The following ADO variants were observed in gnomAD, a reference collection of about 807,000 sequenced individuals.
ADO encodes 2-aminoethanethiol dioxygenase, also known as 2-aminoethanethiol (cysteamine) dioxygenase.
Under a neutral mutation model 16.6 loss-of-function variants are expected in ADO, and 9 were observed. The ratio of observed to expected loss-of-function variants is 0.54; its 90% CI spans 0.33 to 0.95. The LOEUF (loss-of-function observed/expected upper bound fraction) is 0.95. ADO is among the 40% of genes least tolerant of loss of function. The pLI is 0.03. For synonymous variants in ADO, 189 were observed against 179.6 expected (o/e 1.05, Z -0.42); for missense variants, 356 against 386.4 (o/e 0.92, Z 0.66).
Position 62,806,285 on chromosome 10 carries a change from T to C in ADO, c.*413T>C, listed in dbSNP as rs867137074. 1.9e-4 allele frequency: 33 copies of C among 174,520 alleles called. No homozygotes were observed. The highest frequency in any genetic ancestry group is 7.2e-4 in the East Asian group (4 of 5,570). 10.8% of individuals were successfully genotyped at this position (174,520 alleles called of 1,614,324 possible). ...CATGCCCTTATGCCTTTTTTTCTTA[T>C]AGTTTTTTAACTTATTGACTGTGCA... is the stretch of plus-strand genomic sequence containing the variant. On this transcript the variant is annotated 3_prime_UTR_variant, in exon 1 of 1. Transcript: ENST00000373783.
rs1227735709 is a variant in ADO, at chr10:62,805,276, G to T, written c.217G>T (p.Ala73Ser). The change falls in exon 1 of 1, where the codon GCC becomes TCC. Residue 73 changes from alanine (A) to serine (S), a missense_variant. Physicochemically the swap from Ala to Ser is moderately conservative, Grantham distance 99. Transcript: ENST00000373783. The surrounding 1 kb of genome is among the most constrained non-coding windows in gnomAD (Gnocchi z 6.4). ...AEDLNIAPRKATLQPLPPNLP... is the reference protein window; with the variant it reads ...AEDLNIAPRKSTLQPLPPNLP... Reference sequence around the variant, plus strand: ...GGACTTGAACATCGCCCCGCGCAAGGCCACACTGCAGCCGCTGCCGCCCAA... The same window carrying T: ...GGACTTGAACATCGCCCCGCGCAAGTCCACACTGCAGCCGCTGCCGCCCAA... 6.2e-7 allele frequency: 1 copy of T among 1,603,308 alleles called. No individual in the cohort carries two copies. The highest frequency in any genetic ancestry group is 8.5e-7 in the Non-Finnish European group (1 of 1,178,956).
chr10:62,805,933 GTC>G lies in ADO; in HGVS notation c.*65_*66del, dbSNP rs913614189. ...TGCCCTACCCTACCACAAGGGCTGT[GTC>G]TCTACCCCCTAGCCTGGGCGTTGGA... is the stretch of plus-strand genomic sequence containing the variant. On this transcript the variant is annotated 3_prime_UTR_variant, in exon 1 of 1. Transcript: ENST00000373783. This position sits in a 1 kb window ranked among gnomAD's most constrained non-coding sequence, Gnocchi z 6.4. 69 of 1,391,844 alleles carry G rather than the reference GTC, an allele frequency of 5.0e-5. No individual in the cohort carries two copies. The highest frequency in any genetic ancestry group is 2.0e-5 in the Non-Finnish European group (21 of 1,057,056). The allele number at this position is 1,391,844 out of a possible 1,614,324, so 86.2% of individuals were successfully genotyped here. A position where few individuals can be genotyped will look rare whatever the true frequency, so the allele number is the denominator to read the frequency against.
rs767613495 is a variant in ADO at position 62,805,303 on chromosome 10, C to G, written c.244C>G (p.Leu82Val). 6 of 1,604,048 alleles carry G rather than the reference C, an allele frequency of 3.7e-6. No individual in the cohort carries two copies. In the South Asian group the frequency reaches 6.6e-5, roughly 18 times the overall value. ...KATLQPLPPN[L>V]PPVTYMHIYE... Reference sequence around the variant, plus strand: ...CACACTGCAGCCGCTGCCGCCCAACCTGCCGCCAGTCACCTACATGCACAT... The same window carrying G: ...CACACTGCAGCCGCTGCCGCCCAACGTGCCGCCAGTCACCTACATGCACAT... Residue 82 changes from leucine to valine, a missense_variant, in exon 1 of 1, where the codon CTG (leucine) becomes GTG (valine). Leu to Val is a conservative substitution (Grantham distance 32, BLOSUM62 1). Coordinates refer to ENST00000373783, the MANE Select transcript of ADO (RefSeq NM_032804.6). This position sits in a 1 kb window ranked among gnomAD's most constrained non-coding sequence, Gnocchi z 6.4.
At position 62,805,398 on chromosome 10, in the gene ADO, C is replaced by G. The variant is rs1415346970; in HGVS notation, c.339C>G (p.Asp113Glu). The G allele has an allele frequency of 6.3e-7, 1 of 1,589,638 alleles. No homozygotes were observed. The highest frequency in any genetic ancestry group is 1.3e-5 in the African/African-American group (1 of 74,638). The change falls in exon 1 of 1, where the codon GAC (aspartate) becomes GAG (glutamate). Residue 113 changes from aspartate to glutamate, a missense_variant. By Grantham distance (45) the Asp-to-Glu change is conservative. Coordinates refer to ENST00000373783, the MANE Select transcript of ADO (RefSeq NM_032804.6). This position sits in a 1 kb window ranked among gnomAD's most constrained non-coding sequence, Gnocchi z 6.4. ...GCGGCACGTCCATCCCGCTGCACGA[C>G]CACCCGGGCATGCACGGCATGCTCA... ...LKSGTSIPLH[D>E]HPGMHGMLKV...
chr10:62,804,763 C>T lies in ADO; in HGVS notation c.-297C>T, dbSNP rs1020133192. The T allele has an allele frequency of 2.3e-5, 5 of 218,274 alleles. No individual in the cohort carries two copies. Among genetic ancestry groups the T allele is most frequent in the Non-Finnish European group, 3.6e-5 (4 of 112,160 alleles). The allele number at this position is 218,274 out of a possible 1,614,324, so 13.5% of individuals were successfully genotyped here. On this transcript the variant is annotated 5_prime_UTR_variant, in exon 1 of 1. Coordinates refer to ENST00000373783, the MANE Select transcript of ADO (RefSeq NM_032804.6). ...GTAGGTGCGGGCCGCATGAATGGAGCGCCGGGCGTAAGGCAAAGCCTGGCA... is the reference window on the plus strand; with the variant it reads ...GTAGGTGCGGGCCGCATGAATGGAGTGCCGGGCGTAAGGCAAAGCCTGGCA...
rs973062677 is a variant in ADO at position 62,806,928 on chromosome 10, G to A, written c.*1056G>A. On this transcript the variant is annotated 3_prime_UTR_variant, in exon 1 of 1. Coordinates refer to ENST00000373783, the MANE Select transcript of ADO (RefSeq NM_032804.6). ...GAACTTTAATGTTCCCGACTCGGGTGATTCCAGCTGTGTTGCTGGCAGTGT... is the reference window on the plus strand; with the variant it reads ...GAACTTTAATGTTCCCGACTCGGGTAATTCCAGCTGTGTTGCTGGCAGTGT... 4.8e-5 allele frequency: 8 copies of A among 167,214 alleles called. No individual in the cohort carries two copies. Among genetic ancestry groups the A allele is most frequent in the African/African-American group, 1.9e-4 (8 of 41,452 alleles). 10.4% of individuals were successfully genotyped at this position (167,214 alleles called of 1,614,324 possible). A position where few individuals can be genotyped will look rare whatever the true frequency, so the allele number is the denominator to read the frequency against.
chr10:62,805,570 C>A lies in ADO; in HGVS notation c.511C>A (p.Arg171Ser). The A allele has an allele frequency of 6.4e-7, 1 of 1,568,010 alleles. No individual in the cohort carries two copies. Among genetic ancestry groups the A allele is most frequent in the Non-Finnish European group, 8.6e-7 (1 of 1,157,778 alleles). Residue 171 changes from arginine (R) to serine (S), a missense_variant, in exon 1 of 1, where the codon CGT becomes AGT. Physicochemically the swap from Arg to Ser is moderately radical, Grantham distance 110. Coordinates refer to ENST00000373783, the MANE Select transcript of ADO (RefSeq NM_032804.6). The surrounding 1 kb of genome is among the most constrained non-coding windows in gnomAD (Gnocchi z 6.4). The stretch of plus-strand genomic sequence containing the variant: ...AGAAGCCGTGCGGCCGGGCGTGCTG[C>A]GTTCGCGGGCCGAGTACACCGAGGC... ...EREAVRPGVL[R>S]SRAEYTEASG...
rs200499649 is a variant in ADO, at chr10:62,805,595, C to A, written c.536C>A (p.Ala179Asp). The A allele has an allele frequency of 2.0e-4, 313 of 1,590,296 alleles. 4 individuals are homozygous for A. In the East Asian group the frequency reaches 3.1e-3, roughly 16 times the overall value. ...CGTTCGCGGGCCGAGTACACCGAGG[C>A]CAGCGGCCCCTGCATCCTCACACCG... ...VLRSRAEYTE[A>D]SGPCILTPHR... Residue 179 changes from alanine to aspartate, a missense_variant, in exon 1 of 1, where the codon GCC becomes GAC. By Grantham distance (126) the Ala-to-Asp change is moderately radical. Transcript: ENST00000373783. The surrounding 1 kb of genome is among the most constrained non-coding windows in gnomAD (Gnocchi z 6.4).
Position 62,805,137 on chromosome 10 carries a change from C to T in ADO, c.78C>T (p.Gly26=), listed in dbSNP as rs750322545. 8.9e-6 allele frequency: 14 copies of T among 1,566,764 alleles called. No individual in the cohort carries two copies. Among genetic ancestry groups the T allele is most frequent in the Middle Eastern group, 1.9e-4 (1 of 5,370 alleles). ...QACLTFRGSG[G]GRGASDRDAA... is the part of the protein sequence containing the mutation. Reference sequence around the variant, plus strand: ...GCCTCACCTTCCGGGGCAGCGGGGGCGGCCGCGGCGCTTCCGATCGCGACG... The same window carrying T: ...GCCTCACCTTCCGGGGCAGCGGGGGTGGCCGCGGCGCTTCCGATCGCGACG... Residue 26 remains glycine (G), a synonymous_variant, in exon 1 of 1, where the codon GGC becomes GGT. Coordinates refer to ENST00000373783, the MANE Select transcript of ADO (RefSeq NM_032804.6). This position sits in a 1 kb window ranked among gnomAD's most constrained non-coding sequence, Gnocchi z 6.4.
rs1589077417 is a variant in ADO, at chr10:62,806,202, A to G, written c.*330A>G. The G allele has an allele frequency of 8.0e-6, 2 of 250,462 alleles. No individual in the cohort carries two copies. Among genetic ancestry groups the G allele is most frequent in the East Asian group, 1.7e-4 (2 of 11,492 alleles). 15.5% of individuals were successfully genotyped at this position (250,462 alleles called of 1,614,324 possible). Reference sequence around the variant, plus strand: ...TCTTCCCCATTCTATACAAAATACTAAGTGGTTTTCTTGCTCCCACTCCCT... The same window carrying G: ...TCTTCCCCATTCTATACAAAATACTGAGTGGTTTTCTTGCTCCCACTCCCT... On this transcript the variant is annotated 3_prime_UTR_variant, in exon 1 of 1. Coordinates refer to ENST00000373783, the MANE Select transcript of ADO (RefSeq NM_032804.6).
rs1379294570 is a variant in ADO, at chr10:62,805,082, C to T, written c.23C>T (p.Ser8Phe). 2 of 1,522,412 alleles carry T rather than the reference C, an allele frequency of 1.3e-6. No homozygotes were observed. Among genetic ancestry groups the T allele is most frequent in the Non-Finnish European group, 1.8e-6 (2 of 1,140,442 alleles). 94.3% of individuals were successfully genotyped at this position (1,522,412 alleles called of 1,614,324 possible). A position where few individuals can be genotyped will look rare whatever the true frequency, so the allele number is the denominator to read the frequency against. Residue 8 changes from serine to phenylalanine, a missense_variant, in exon 1 of 1, where the codon TCC becomes TTC. Physicochemically the swap from Ser to Phe is radical, Grantham distance 155 (BLOSUM62 -2). Transcript: ENST00000373783. The surrounding 1 kb of genome is among the most constrained non-coding windows in gnomAD (Gnocchi z 6.4). ...ACCATGCCCCGAGACAACATGGCCTCCTTGATCCAACGGATCGCCCGCCAG... is the reference window on the plus strand; with the variant it reads ...ACCATGCCCCGAGACAACATGGCCTTCTTGATCCAACGGATCGCCCGCCAG... Reference protein sequence around the residue: MPRDNMASLIQRIARQAC... With the variant: MPRDNMAFLIQRIARQAC...
chr10:62,804,915 C>A lies in ADO; in HGVS notation c.-145C>A, dbSNP rs1842031865. On this transcript the variant is annotated 5_prime_UTR_variant, in exon 1 of 1. Coordinates refer to ENST00000373783, the MANE Select transcript of ADO (RefSeq NM_032804.6). ...GCGGGCGCGTGGCTGCTGAGGTTGGCGGCGGTGCCGCGCGCCCGACGGGCC... is the reference window on the plus strand; with the variant it reads ...GCGGGCGCGTGGCTGCTGAGGTTGGAGGCGGTGCCGCGCGCCCGACGGGCC... 2 of 712,658 alleles carry A rather than the reference C, an allele frequency of 2.8e-6. No homozygotes were observed. The highest frequency in any genetic ancestry group is 9.1e-5 in the Admixed American group (2 of 21,968). 44.1% of individuals were successfully genotyped at this position (712,658 alleles called of 1,614,324 possible).
Position 62,805,150 on chromosome 10 carries a change from T to C in ADO, c.91T>C (p.Ser31Pro). Residue 31 changes from serine (S) to proline (P), a missense_variant, in exon 1 of 1, where the codon TCC (serine) becomes CCC (proline). Transcript: ENST00000373783. This position sits in a 1 kb window ranked among gnomAD's most constrained non-coding sequence, Gnocchi z 6.4. ...GGGCAGCGGGGGCGGCCGCGGCGCTTCCGATCGCGACGCGGCTTCTGGCCC... is the reference window on the plus strand; with the variant it reads ...GGGCAGCGGGGGCGGCCGCGGCGCTCCCGATCGCGACGCGGCTTCTGGCCC... ...FRGSGGGRGA[S>P]DRDAASGPEA... 6.3e-7 allele frequency: 1 copy of C among 1,584,414 alleles called. No homozygotes were observed. Among genetic ancestry groups the C allele is most frequent in the Non-Finnish European group, 8.5e-7 (1 of 1,170,664 alleles).
rs1842032621 is a variant in ADO at position 62,804,954 on chromosome 10, C to T, written c.-106C>T. ...GCCCGACGGGCCGGTGGTTGCGGGG[C>T]CTCCCGCCTCGACCCGGGCTGGGGG... On this transcript the variant is annotated 5_prime_UTR_variant, in exon 1 of 1. Coordinates refer to ENST00000373783, the MANE Select transcript of ADO (RefSeq NM_032804.6). The T allele has an allele frequency of 1.8e-6, 2 of 1,092,722 alleles. No individual in the cohort carries two copies. The highest frequency in any genetic ancestry group is 7.5e-5 in the South Asian group (2 of 26,530). The allele number at this position is 1,092,722 out of a possible 1,614,324, so 67.7% of individuals were successfully genotyped here.
Position 62,807,327 on chromosome 10 carries a change from T to C in ADO, c.*1455T>C, listed in dbSNP as rs1362620261. On this transcript the variant is annotated 3_prime_UTR_variant, in exon 1 of 1. Coordinates refer to ENST00000373783, the MANE Select transcript of ADO (RefSeq NM_032804.6). ...AAAAGAAATTGTAGAAATAAACACA[T>C]TAAAATTTGCCCAGCTGTCGTCTAA... 6.0e-6 allele frequency: 1 copy of C among 167,206 alleles called. No homozygotes were observed. The highest frequency in any genetic ancestry group is 1.9e-4 in the East Asian group (1 of 5,348). The allele number at this position is 167,206 out of a possible 1,614,324, so 10.4% of individuals were successfully genotyped here. A position where few individuals can be genotyped will look rare whatever the true frequency, so the allele number is the denominator to read the frequency against.
Position 62,805,770 on chromosome 10 carries a change from G to A in ADO, c.711G>A (p.Ser237=). The change falls in exon 1 of 1, where the codon TCG becomes TCA. Residue 237 remains serine, a synonymous_variant. Coordinates refer to ENST00000373783, the MANE Select transcript of ADO (RefSeq NM_032804.6). This position sits in a 1 kb window ranked among gnomAD's most constrained non-coding sequence, Gnocchi z 6.4. ...EPVRPKEASS[S]ACDLPREVWL... ...TCAGGCCCAAGGAGGCCTCCAGCTC[G>A]GCCTGTGACCTGCCTCGAGAGGTGT... is the stretch of plus-strand genomic sequence containing the variant. 1 of 1,602,512 alleles carries A rather than the reference G, an allele frequency of 6.2e-7. No individual in the cohort carries two copies. The highest frequency in any genetic ancestry group is 8.5e-7 in the Non-Finnish European group (1 of 1,175,286).
chr10:62,804,788 A>G lies in ADO; in HGVS notation c.-272A>G, dbSNP rs369703441. 2.5e-5 allele frequency: 6 copies of G among 243,458 alleles called. No homozygotes were observed. The South Asian group carries it at 7.1e-4, about 29-fold the overall frequency. 15.1% of individuals were successfully genotyped at this position (243,458 alleles called of 1,614,324 possible). A position where few individuals can be genotyped will look rare whatever the true frequency, so the allele number is the denominator to read the frequency against. On this transcript the variant is annotated 5_prime_UTR_variant, in exon 1 of 1. Transcript: ENST00000373783. ...CGCCGGGCGTAAGGCAAAGCCTGGC[A>G]CCGTCTGCGCGGCCGCTATCTGCTC...
Position 62,805,990 on chromosome 10 carries a change from CG to C in ADO, c.*120del. ...CTGGAATGAGCAGCAGCCGCTTCCT[CG>C]GCAGCCTTGGGAAGCACGGGCGACT... On this transcript the variant is annotated 3_prime_UTR_variant, in exon 1 of 1. Transcript: ENST00000373783. The surrounding 1 kb of genome is among the most constrained non-coding windows in gnomAD (Gnocchi z 6.4). 1 of 802,470 alleles carries C rather than the reference CG, an allele frequency of 1.2e-6. No individual in the cohort carries two copies. Among genetic ancestry groups the C allele is most frequent in the Non-Finnish European group, 1.6e-6 (1 of 626,608 alleles). The allele number at this position is 802,470 out of a possible 1,614,324, so 49.7% of individuals were successfully genotyped here.
rs1331353405 is a variant in ADO, at chr10:62,806,723, G to A, written c.*851G>A. 1 of 167,118 alleles carries A rather than the reference G, an allele frequency of 6.0e-6. No homozygotes were observed. The highest frequency in any genetic ancestry group is 2.4e-5 in the African/African-American group (1 of 41,452). The allele number at this position is 167,118 out of a possible 1,614,324, so 10.4% of individuals were successfully genotyped here. ...TCTTACTGTACCTTAAAAGGTGATAGAGTAATTCTGTATTTTCTAACGGGA... is the reference window on the plus strand; with the variant it reads ...TCTTACTGTACCTTAAAAGGTGATAAAGTAATTCTGTATTTTCTAACGGGA... On this transcript the variant is annotated 3_prime_UTR_variant, in exon 1 of 1. Transcript: ENST00000373783.
Sources: gnomAD v4.1 joint callset for allele counts on GRCh38, gnomAD v4.1.1 for gene constraint, Gnocchi (gnomAD v3.1) non-coding constraint, MANE v1.5 for transcripts, NCBI Gene and HGNC (gene_info 2026-07-23, HGNC 2026-07-21) for gene names.